CWF19L2: variants seen among roughly 807,000 people sequenced by gnomAD.
The protein encoded by CWF19L2 is CWF19-like protein 2.
In CWF19L2, 98 loss-of-function variants were observed where a neutral mutation model predicts 111.7. The ratio of observed to expected loss-of-function variants is 0.88; its 90% CI spans 0.75 to 1.04. The LOEUF (loss-of-function observed/expected upper bound fraction) is 1.04. Among genes scored for constraint, CWF19L2 ranks in the 50% least tolerant of loss-of-function variants. CWF19L2 has a pLI of 0.00. For synonymous variants in CWF19L2, 351 were observed against 342.9 expected (o/e 1.02, Z -0.26); for missense variants, 1,101 against 1,051.4 (o/e 1.05, Z -0.65).
At chr11:107,403,976 C>T in intron 10 of CWF19L2, 1 of 867,400 alleles carries the variant, frequency 1.2e-6, no homozygotes, top group Non-Finnish European at 2.0e-6. Context: ...GACAACTGAC[C>T]GAACGTCTGG....
rs199553654 is a variant in CWF19L2, at chr11:107,438,450, T to C, written c.664+640A>G. 3.9e-5 allele frequency among the ~76,000 whole-genome samples: 6 copies of C among 152,300 alleles called. No homozygotes were observed. The East Asian group carries it at 1.2e-3, about 29-fold the overall frequency. ...AATATACAAACCACATCTTTAGTTT[T>C]TATACATTATTTTCATGAAATTTCA... On this transcript the variant is annotated intron_variant, in intron 6 of 17. Transcript: ENST00000282251.
intron 7 of CWF19L2, among the ~76,000 whole-genome samples, chr11:107,433,030 A>T (rs903791391): frequency 3.9e-5 from 6 of 152,338 alleles, no homozygotes; most frequent in African/African-American, 1.4e-4. Context: ...AAGTTTAAAA[A>T]GCCAGGGCAT....
At chr11:107,404,645 A>G (rs2135387951) in intron 10 of CWF19L2, 1 of 487,256 alleles carries the variant, frequency 2.1e-6, no homozygotes. Flanking sequence ...GCTTACCCCA[A>G]CAGATACTTA....
At chr11:107,432,928 T>C (rs1467933576) in intron 7 of CWF19L2, among the ~76,000 whole-genome samples, 1 of 152,066 alleles carries the variant, frequency 6.6e-6, no homozygotes, top group Non-Finnish European at 1.5e-5. Context: ...TACTGACCAA[T>C]AAATAAAGGA....
At chr11:107,454,740 C>T (rs567448653) in intron 2 of CWF19L2, among the ~76,000 whole-genome samples, 168 bp from the exon 3 acceptor site, 2 of 152,242 alleles carry the variant, frequency 1.3e-5, no homozygotes, top group Non-Finnish European at 2.9e-5. Context: ...AATCTTAACA[C>T]ACCTTCTATA....
At chr11:107,342,804 A>G (rs981659982) in intron 14 of CWF19L2, among the ~76,000 whole-genome samples, 8 of 152,146 alleles carry the variant, frequency 5.3e-5, no homozygotes, top group Non-Finnish European at 1.0e-4. Flanking sequence ...TTGCCTGGGT[A>G]TATCTTAAAT....
At chr11:107,404,492 T>A (rs1331363031) in intron 10 of CWF19L2, 1 of 751,824 alleles carries the variant, frequency 1.3e-6, no homozygotes, top group Non-Finnish European at 2.5e-6. Context: ...GTAGGCGAGA[T>A]GACTGTATGG....
chr11:107,409,742 G>A (rs1861130395), intron 10 of CWF19L2, among the ~76,000 whole-genome samples: 2 of 152,158 alleles, frequency 1.3e-5, no homozygotes. Context: ...GAGAAGCTAT[G>A]TGGTGGGCTT....
chr11:107,416,505 C>T (rs1019184778), intron 9 of CWF19L2, among the ~76,000 whole-genome samples: 2 of 152,028 alleles, frequency 1.3e-5, no homozygotes, highest in African/African-American at 4.8e-5. Flanking sequence ...CTGTGACATG[C>T]TTCAAAGATA....
intron 12 of CWF19L2, among the ~76,000 whole-genome samples, 156 bp from the exon 13 acceptor site, chr11:107,353,892 G>A (rs1860197035): frequency 6.6e-6 from 1 of 152,100 alleles, no homozygotes. Context: ...TGATCTTCTA[G>A]AGTCAATCTA....
At chr11:107,336,188 C>T (rs905908443) in intron 15 of CWF19L2, among the ~76,000 whole-genome samples, 3 of 152,018 alleles carry the variant, frequency 2.0e-5, no homozygotes, top group African/African-American at 4.8e-5. Flanking sequence ...GCTCTGTCAC[C>T]CAGGCTGGAG....
At chr11:107,427,187 G>C (rs1438302636) in intron 8 of CWF19L2, among the ~76,000 whole-genome samples, 1 of 151,426 alleles carries the variant, frequency 6.6e-6, no homozygotes, top group Non-Finnish European at 1.5e-5. Flanking sequence ...GTCCTGTCTT[G>C]GTCTCCTACT....
chr11:107,378,844 AC>A, intron 12 of CWF19L2, among the ~76,000 whole-genome samples: 2 of 141,596 alleles, frequency 1.4e-5, no homozygotes, highest in African/African-American at 5.0e-5. Flanking sequence ...ATATATTGTA[AC>A]AAAAAAAAAG....
At position 107,433,131 on chromosome 11, in the gene CWF19L2, G is replaced by A. The variant is rs1241645844; in HGVS notation, c.780+503C>T. ...CTACTTTCTAAACCTGCTTTCCCCC[G>A]GCAATTGAAGAGAAAAAAAAGAATA... On this transcript the variant is annotated intron_variant, in intron 7 of 17. Coordinates refer to ENST00000282251, the MANE Select transcript of CWF19L2 (RefSeq NM_152434.3). Among the ~76,000 whole-genome samples, 4 of 152,038 alleles carry A rather than the reference G, an allele frequency of 2.6e-5. No individual in the cohort carries two copies. In the East Asian group the frequency reaches 7.7e-4, roughly 29 times the overall value.
At chr11:107,383,971 A>G (rs1860729616) in intron 12 of CWF19L2, among the ~76,000 whole-genome samples, 1 of 152,170 alleles carries the variant, frequency 6.6e-6, no homozygotes, top group African/African-American at 2.4e-5. Flanking sequence ...ACTATTTTTC[A>G]TAGCTATTTA....
intron 15 of CWF19L2, 96 bp downstream of exon 15, chr11:107,336,462 T>G: frequency 1.0e-6 from 1 of 996,126 alleles, no homozygotes; most frequent in Non-Finnish European, 1.5e-6. Context: ...TTGATGTAAG[T>G]ATATAGGAGA....
At chr11:107,457,437 T>C (rs896866411) in intron 1 of CWF19L2, among the ~76,000 whole-genome samples, 8 of 152,050 alleles carry the variant, frequency 5.3e-5, no homozygotes, top group South Asian at 4.1e-4. Flanking sequence ...GTCCGAGTGA[T>C]AGAAATGTAA....
At chr11:107,357,586 T>G (rs1194620337) in intron 12 of CWF19L2, among the ~76,000 whole-genome samples, 1 of 152,188 alleles carries the variant, frequency 6.6e-6, no homozygotes, top group African/African-American at 2.4e-5. Flanking sequence ...TTTGTAGTGT[T>G]TGAATTGAAA....
chr11:107,434,672 CAAAAAAAAAAA>C (rs71044301), intron 6 of CWF19L2, among the ~76,000 whole-genome samples: 27,093 of 115,850 alleles, frequency 0.23, 2,696 homozygotes, highest in Middle Eastern at 0.33. Flanking sequence ...TATTACACAG[CAAAAAAAAAAA>C]AAAAAAGAAA....
Sources: allele counts gnomAD v4.1 joint callset (sites outside exome capture counted in the v4.1 genomes callset), GRCh38; gene constraint gnomAD v4.1.1; transcripts MANE v1.5; gene names NCBI Gene and HGNC (gene_info 2026-07-23, HGNC 2026-07-21).